Variants in TOPAZ1 observed in about 807,000 individuals in gnomAD.
The protein encoded by TOPAZ1 is protein TOPAZ1.
A neutral mutation model predicts 172.2 loss-of-function variants in TOPAZ1; 66 were observed. The observed-to-expected ratio is 0.38, with a 90% CI of 0.31 to 0.47. TOPAZ1 has a LOEUF of 0.47. TOPAZ1 is among the 20% of genes least tolerant of loss of function. The pLI is 0.99. For missense variants in TOPAZ1, 1,822 were observed against 1,972.4 expected (o/e 0.92, Z 1.44); for synonymous variants, 681 against 683.9 (o/e 1.00, Z 0.07).
intron 4 of TOPAZ1, 91 bp from the exon 5 acceptor site, chr3:44,262,328 A>G: frequency 1.9e-6 from 1 of 529,930 alleles, no homozygotes; most frequent in Non-Finnish European, 3.2e-6. Context: ...ATTAACATCT[A>G]ATACATTATA....
At chr3:44,297,421 T>C (rs1700212421) in intron 12 of TOPAZ1, among the ~76,000 whole-genome samples, 1 of 152,132 alleles carries the variant, frequency 6.6e-6, no homozygotes, top group Non-Finnish European at 1.5e-5. Flanking sequence ...CAGAAAAGCA[T>C]TTGACAAAAT....
chr3:44,259,403 A>G (rs1273585229), intron 4 of TOPAZ1, among the ~76,000 whole-genome samples: 3 of 152,224 alleles, frequency 2.0e-5, no homozygotes, highest in African/African-American at 7.2e-5. Flanking sequence ...TTTGAATTTC[A>G]TCCAGATGGT....
At chr3:44,320,811 TATAAC>T (rs1159504494) in intron 16 of TOPAZ1, among the ~76,000 whole-genome samples, 2 of 152,078 alleles carry the variant, frequency 1.3e-5, no homozygotes, top group African/African-American at 4.8e-5. Context: ...TAAAAATAAA[TATAAC>T]AAAGTGGCCA....
intron 16 of TOPAZ1, among the ~76,000 whole-genome samples, chr3:44,316,890 C>G (rs1700456379): frequency 6.6e-6 from 1 of 152,162 alleles, no homozygotes; most frequent in Admixed American, 6.5e-5. Flanking sequence ...TGTTTCTGCA[C>G]CTTTCTCCCA....
At chr3:44,278,000 A>C (rs1699982352) in intron 8 of TOPAZ1, among the ~76,000 whole-genome samples, 1 of 152,170 alleles carries the variant, frequency 6.6e-6, no homozygotes, top group Non-Finnish European at 1.5e-5. Flanking sequence ...TCTTTATAGC[A>C]ATGCAAGAAT....
chr3:44,333,728 T>A (rs898497968), downstream of TOPAZ1, among the ~76,000 whole-genome samples: 1 of 152,226 alleles, frequency 6.6e-6, no homozygotes, highest in African/African-American at 2.4e-5. Context: ...GGAGTGTTAA[T>A]CATTGCTGGG....
rs1440272800 is a variant in TOPAZ1 at position 44,244,328 on chromosome 3, G to A, written c.1822G>A (p.Val608Ile). ...SEELSRRGSE[V>I]ISNTTEDTQL... ...GGAACTGAGCAGAAGAGGGTCAGAG[G>A]TAATTTCTAACACTACTGAAGATAC... The change falls in exon 2 of 20, where the codon GTA (valine) becomes ATA (isoleucine). Residue 608 changes from valine to isoleucine, a missense_variant. By Grantham distance (29) the Val-to-Ile change is conservative. Transcript: ENST00000309765. 1.3e-6 allele frequency: 2 copies of A among 1,550,542 alleles called. No individual in the cohort carries two copies. Among genetic ancestry groups the A allele is most frequent in the African/African-American group, 2.7e-5 (2 of 72,910 alleles).
intron 4 of TOPAZ1, among the ~76,000 whole-genome samples, chr3:44,258,390 A>G (rs2125681616): frequency 6.6e-6 from 1 of 152,332 alleles, no homozygotes; most frequent in Non-Finnish European, 1.5e-5. Context: ...ATTACAGAAC[A>G]TTTCCGTCAC....
chr3:44,305,342 T>A, intron 14 of TOPAZ1, 21 bp downstream of exon 14: 1 of 1,509,662 alleles, frequency 6.6e-7, no homozygotes, highest in Non-Finnish European at 8.8e-7. Flanking sequence ...ACTATTGGCC[T>A]GAATATTGTG....
chr3:44,332,306 A>G (rs1700679781), downstream of TOPAZ1, among the ~76,000 whole-genome samples: 1 of 152,160 alleles, frequency 6.6e-6, no homozygotes, highest in African/African-American at 2.4e-5. Flanking sequence ...TAAGAGGGAG[A>G]CATAATAGGG....
intron 4 of TOPAZ1, among the ~76,000 whole-genome samples, chr3:44,256,501 A>T (rs1699705546): frequency 6.6e-6 from 1 of 152,198 alleles, no homozygotes; most frequent in South Asian, 2.1e-4. Flanking sequence ...TTAATTACAT[A>T]CTGTAGTTAG....
At chr3:44,333,361 C>T (rs1251780588), downstream of TOPAZ1, among the ~76,000 whole-genome samples, 1 of 152,102 alleles carries the variant, frequency 6.6e-6, no homozygotes, top group African/African-American at 2.4e-5. Flanking sequence ...TGACTATAAC[C>T]TGCCATTACT....
In TOPAZ1 at chr3:44,256,983, G is replaced by A. The variant is rs376596934; in HGVS notation, c.2955+705G>A. Among the ~76,000 whole-genome samples, 62 of 151,860 alleles carry A rather than the reference G, an allele frequency of 4.1e-4. No homozygotes were observed. In the South Asian group the frequency reaches 0.013, roughly 32 times the overall value. ...TCTTTTACTTCCACTATATGTGTAT[G>A]TATGTACAAGTATGTATGTATGTAC... On this transcript the variant is annotated intron_variant, in intron 4 of 19. Coordinates refer to ENST00000309765, the MANE Select transcript of TOPAZ1 (RefSeq NM_001145030.2).
At chr3:44,278,514 A>G (rs1699988296) in intron 8 of TOPAZ1, among the ~76,000 whole-genome samples, 1 of 152,074 alleles carries the variant, frequency 6.6e-6, no homozygotes, top group African/African-American at 2.4e-5. Context: ...ATGCAATCTC[A>G]TTACTTGTTT....
rs1360140907 is a variant in TOPAZ1, at chr3:44,332,005, C to G, written c.5073C>G (p.Asn1691Lys). ...KWAGKVWLFS[N>K]H ...CTGGAAAGGTTTGGCTTTTCAGTAA[C>G]CATTAGCTAATAAAGTCTGCTTTTT... is the stretch of plus-strand genomic sequence containing the variant. The change falls in exon 20 of 20, where the codon AAC becomes AAG. Residue 1691 changes from asparagine to lysine, a missense_variant. Physicochemically the swap from Asn to Lys is moderately conservative, Grantham distance 94 (BLOSUM62 0). This residue lies in a region of TOPAZ1 where 333 missense variants were observed against 481.7 expected (regional missense o/e 0.69). Transcript: ENST00000309765. The G allele has an allele frequency of 6.5e-7, 1 of 1,531,032 alleles. No homozygotes were observed. The highest frequency in any genetic ancestry group is 2.5e-5 in the East Asian group (1 of 40,768). 94.8% of individuals were successfully genotyped at this position (1,531,032 alleles called of 1,614,324 possible).
chr3:44,327,142 C>G (rs1336108910), intron 18 of TOPAZ1, among the ~76,000 whole-genome samples: 4 of 152,062 alleles, frequency 2.6e-5, no homozygotes, highest in African/African-American at 9.7e-5. Flanking sequence ...AGTAATTGTA[C>G]CTAATTTCAA....
chr3:44,315,801 A>G (rs1478935349), intron 16 of TOPAZ1, among the ~76,000 whole-genome samples: 2 of 152,198 alleles, frequency 1.3e-5, no homozygotes, highest in Non-Finnish European at 2.9e-5. Flanking sequence ...TTAGGTCATT[A>G]ACACCTCTTT....
At chr3:44,271,506 T>A (rs1699898240) in intron 8 of TOPAZ1, among the ~76,000 whole-genome samples, 1 of 152,242 alleles carries the variant, frequency 6.6e-6, no homozygotes, top group Admixed American at 6.5e-5. Flanking sequence ...ATTAATCATA[T>A]AATCTGTATA....
At chr3:44,318,563 G>A (rs1454745390) in intron 16 of TOPAZ1, among the ~76,000 whole-genome samples, 2 of 151,788 alleles carry the variant, frequency 1.3e-5, no homozygotes, top group Non-Finnish European at 2.9e-5. Context: ...CTCAGAATTC[G>A]ACTTGCCTTG....
Sources: allele counts gnomAD v4.1 joint callset (sites outside exome capture counted in the v4.1 genomes callset), GRCh38; gene constraint gnomAD v4.1.1; regional missense constraint gnomAD v4.1.1; transcripts MANE v1.5; gene names NCBI Gene and HGNC (gene_info 2026-07-23, HGNC 2026-07-21).